Variants in TMPRSS9 observed in about 807,000 individuals in gnomAD.
TMPRSS9 encodes transmembrane protease serine 9.
Under a neutral mutation model 111.4 loss-of-function variants are expected in TMPRSS9, and 113 were observed. That is an observed-to-expected ratio of 1.01 (90% CI 0.87 to 1.19). The LOEUF is 1.19. Ranked by LOEUF, TMPRSS9 falls within the 50% of genes most tolerant of loss-of-function variation. The probability of loss-of-function intolerance (pLI) is 0.00; values close to 1 mark genes in which losing one functional copy is unlikely to be tolerated. For synonymous variants in TMPRSS9, 805 were observed against 659.1 expected, an observed-to-expected ratio of 1.22 and a Z score of -3.39; for missense variants, 1,803 against 1,513.1, an observed-to-expected ratio of 1.19 and a Z score of -3.18.
intron 1 of TMPRSS9, among the ~76,000 whole-genome samples, chr19:2,361,668 G>T (rs943582491): frequency 6.6e-6 from 1 of 152,186 alleles, no homozygotes; most frequent in Non-Finnish European, 1.5e-5. Context: ...CCCCAGGACA[G>T]GCGTCCGTGC....
chr19:2,394,939 T>C (rs1970676738), intron 1 of TMPRSS9, among the ~76,000 whole-genome samples: 1 of 152,218 alleles, frequency 6.6e-6, no homozygotes, highest in Non-Finnish European at 1.5e-5. Context: ...ATGACTATTA[T>C]TTTTGCTGTA....
At chr19:2,360,564 G>A (rs1159661937) in intron 1 of TMPRSS9, among the ~76,000 whole-genome samples, 2 of 152,182 alleles carry the variant, frequency 1.3e-5, no homozygotes, top group African/African-American at 4.8e-5. Context: ...CGCCACTGGG[G>A]TGTGTAGACA....
Position 2,424,542 on chromosome 19 carries a change from C to A in TMPRSS9, c.2717+285C>A, listed in dbSNP as rs570539662. Among the ~76,000 whole-genome samples, 915 of 140,612 alleles carry A rather than the reference C, an allele frequency of 6.5e-3. 9 individuals carry two copies. Among genetic ancestry groups the A allele is most frequent in the Non-Finnish European group, 9.2e-3 (586 of 63,500 alleles). The allele number at this position is 140,612 out of a possible 152,430, so 92.2% of individuals were successfully genotyped here. ...CTAACCCGGAAGCTGCGGCCCCCCC[C>A]CTCCAGCTCCAGGCTAAGCCCACGG... On this transcript the variant is annotated intron_variant, in intron 15 of 17. Transcript: ENST00000648592.
upstream of TMPRSS9, among the ~76,000 whole-genome samples, chr19:2,389,124 A>T (rs1413333471): frequency 7.1e-6 from 1 of 140,582 alleles, no homozygotes; most frequent in Admixed American, 7.5e-5. Context: ...GCCAGGCTGG[A>T]GTGCAGTGGC....
chr19:2,378,647 G>T (rs1409881191), intron 1 of TMPRSS9, among the ~76,000 whole-genome samples: 1 of 152,228 alleles, frequency 6.6e-6, no homozygotes, highest in Non-Finnish European at 1.5e-5. Flanking sequence ...GAACCTGGGA[G>T]GCAGAGGTTG....
At position 2,415,662 on chromosome 19, in the gene TMPRSS9, C is replaced by G. The variant is rs1486789446; in HGVS notation, c.1574-8C>G. ...ATCCCCAGACCTGGTCTTGTGTCCTCCTTCCAGAATGTGGGGCCAGGCCTG... is the reference window on the plus strand; with the variant it reads ...ATCCCCAGACCTGGTCTTGTGTCCTGCTTCCAGAATGTGGGGCCAGGCCTG... On this transcript the variant is annotated splice_region_variant and splice_polypyrimidine_tract_variant and intron_variant, in intron 10 of 17. Transcript: ENST00000648592. The G allele has an allele frequency of 1.3e-6, 2 of 1,580,472 alleles. No homozygotes were observed. Among genetic ancestry groups the G allele is most frequent in the Non-Finnish European group, 1.7e-6 (2 of 1,159,570 alleles).
At position 2,393,146 on chromosome 19, in the gene TMPRSS9, C is replaced by T. The variant is rs116249065; in HGVS notation, c.142+3219C>T. On this transcript the variant is annotated intron_variant, in intron 1 of 17. Coordinates refer to ENST00000648592, the Ensembl canonical transcript of TMPRSS9. ...AATAAAAGCGGACTGCTGGAGCCAG[C>T]AGCGGCAACCGGCTTGGGGACCTTT... Among the ~76,000 whole-genome samples the T allele has an allele frequency of 8.7e-3, 1,326 of 152,270 alleles. 15 individuals are homozygous for T. The highest frequency in any genetic ancestry group is 0.03 in the African/African-American group (1,248 of 41,548).
chr19:2,424,190 G>C, exon 15 of TMPRSS9: 1 of 1,463,796 alleles, frequency 6.8e-7, no homozygotes, highest in Non-Finnish European at 9.1e-7. Flanking sequence ...GCGGCGCCGG[G>C]AACACCGTTG....
intron 10 of TMPRSS9, among the ~76,000 whole-genome samples, chr19:2,414,624 G>A (rs1409989580): frequency 4.0e-5 from 6 of 151,682 alleles, no homozygotes; most frequent in African/African-American, 1.5e-4. Flanking sequence ...GCCTGTCATC[G>A]CACACTTTGG....
intron 1 of TMPRSS9, among the ~76,000 whole-genome samples, chr19:2,360,652 G>A (rs554453966): frequency 6.6e-6 from 1 of 151,248 alleles, no homozygotes; most frequent in South Asian, 2.1e-4. Context: ...TTGTGTGGAC[G>A]CAGGTGCGGC....
At chr19:2,396,588 G>A (rs1176156161) in exon 2 of TMPRSS9, 40 of 1,611,638 alleles carry the variant, frequency 2.5e-5, no homozygotes, top group Non-Finnish European at 3.1e-5. Context: ...CCGAGCTGCG[G>A]GGAATCCGGT....
exon 13 of TMPRSS9, chr19:2,418,005 C>A (rs1270329733): frequency 1.9e-6 from 3 of 1,611,272 alleles, no homozygotes; most frequent in Non-Finnish European, 2.5e-6. Flanking sequence ...CTGGTAGCCA[C>A]CAAGCCCGAG....
chr19:2,413,810 T>C (rs1016883671), exon 10 of TMPRSS9: 8 of 1,613,816 alleles, frequency 5.0e-6, no homozygotes, highest in Non-Finnish European at 6.8e-6. Context: ...CAGGGGTCTA[T>C]GCCCGAGTCA....
chr19:2,379,606 ACTTT>A (rs1023402511), intron 1 of TMPRSS9, among the ~76,000 whole-genome samples: 3 of 107,980 alleles, frequency 2.8e-5, no homozygotes, highest in East Asian at 6.3e-4. Flanking sequence ...CCCTAAACTA[ACTTT>A]CTTTCTCTTT....
chr19:2,376,675 A>G (rs1274491740), intron 1 of TMPRSS9, among the ~76,000 whole-genome samples: 1 of 151,922 alleles, frequency 6.6e-6, no homozygotes, highest in African/African-American at 2.4e-5. Context: ...GGCCAGGCTG[A>G]TCTCAAACTG....
intron 1 of TMPRSS9, among the ~76,000 whole-genome samples, chr19:2,393,898 CAAAAAAAAAA>C (rs34160378): frequency 1.6e-5 from 1 of 63,580 alleles, no homozygotes; most frequent in Non-Finnish European, 3.0e-5. Flanking sequence ...ACCATGTCTC[CAAAAAAAAAA>C]AAAAAAAAAA....
intron 13 of TMPRSS9, among the ~76,000 whole-genome samples, chr19:2,421,139 G>C (rs1165459032): frequency 6.6e-6 from 1 of 151,846 alleles, no homozygotes; most frequent in Non-Finnish European, 1.5e-5. Context: ...CCAGGAGGTG[G>C]AGGTTGCAGT....
intron 1 of TMPRSS9, among the ~76,000 whole-genome samples, chr19:2,384,124 G>T (rs1446503343): frequency 2.6e-5 from 4 of 152,158 alleles, no homozygotes; most frequent in Non-Finnish European, 5.9e-5. Context: ...AAACAGAATG[G>T]CATTGTTCCC....
chr19:2,391,339 C>T (rs1043531149), intron 1 of TMPRSS9, among the ~76,000 whole-genome samples: 1 of 145,814 alleles, frequency 6.9e-6, no homozygotes, highest in Non-Finnish European at 1.5e-5. Context: ...AGTAAGTTCG[C>T]GATCCTATGA....
Sources: gnomAD v4.1 joint callset for allele counts (sites outside exome capture counted in the v4.1 genomes callset) on GRCh38, gnomAD v4.1.1 for gene constraint, MANE v1.5 for transcripts, NCBI Gene and HGNC (gene_info 2026-07-23, HGNC 2026-07-21) for gene names.